MCU: variants seen among roughly 807,000 people sequenced by gnomAD.
MCU encodes the protein mitochondrial calcium uniporter.
A neutral mutation model predicts 45.2 loss-of-function variants in MCU; 12 were observed. That is an observed-to-expected ratio of 0.27 (90% CI 0.17 to 0.43). MCU has a LOEUF of 0.43. Among genes scored for constraint, MCU ranks in the 20% least tolerant of loss-of-function variants. MCU has a pLI of 1.00. For missense variants in MCU, 324 were observed against 436.7 expected (o/e 0.74, Z 2.30); for synonymous variants, 160 against 165.1 (o/e 0.97, Z 0.24).
In MCU at chr10:72,711,049, G is replaced by A. The variant is rs551452653; in HGVS notation, c.150+18748G>A. Among the ~76,000 whole-genome samples the A allele has an allele frequency of 9.2e-5, 14 of 151,768 alleles. No individual in the cohort carries two copies. In the East Asian group the frequency reaches 2.5e-3, roughly 28 times the overall value. Reference sequence around the variant, plus strand: ...CAAAAATTAGCTGGGCATGGTGGTGGGCGCCTGTAATCCCAGCTACTTGGG... The same window carrying A: ...CAAAAATTAGCTGGGCATGGTGGTGAGCGCCTGTAATCCCAGCTACTTGGG... On this transcript the variant is annotated intron_variant, in intron 1 of 7. Coordinates refer to ENST00000373053, the MANE Select transcript of MCU (RefSeq NM_138357.3).
rs80237769 is a variant in MCU, at chr10:72,768,407, A to G, written c.151-65952A>G. 3.7e-3 allele frequency among the ~76,000 whole-genome samples: 565 copies of G among 152,264 alleles called. 4 individuals are homozygous for G. Among genetic ancestry groups the G allele is most frequent in the East Asian group, 0.036 (185 of 5,186 alleles). On this transcript the variant is annotated intron_variant, in intron 1 of 7. Transcript: ENST00000373053. ...TTTATATAATCTCAGTCAATTTAGG[A>G]TTTAATATTCATGTTAGAATTCCAG... is the stretch of plus-strand genomic sequence containing the variant.
intron 1 of MCU, among the ~76,000 whole-genome samples, chr10:72,749,624 G>A (rs1843465234): frequency 6.6e-6 from 1 of 152,120 alleles, no homozygotes; most frequent in African/African-American, 2.4e-5. Flanking sequence ...GGCCATATAA[G>A]TCACCTCTAA....
At chr10:72,722,374 C>T (rs1213249688) in intron 1 of MCU, among the ~76,000 whole-genome samples, 1 of 149,998 alleles carries the variant, frequency 6.7e-6, no homozygotes, top group Non-Finnish European at 1.5e-5. Context: ...CTAGATGCCA[C>T]CTTTTCCCCT....
intron 1 of MCU, among the ~76,000 whole-genome samples, chr10:72,826,177 A>G (rs756583503): frequency 6.6e-6 from 1 of 152,228 alleles, no homozygotes; most frequent in Non-Finnish European, 1.5e-5. Context: ...GTGGGGTTAG[A>G]GGTTAGAATC....
chr10:72,869,012 A>G, intron 5 of MCU, 149 bp downstream of exon 5: 1 of 791,902 alleles, frequency 1.3e-6, no homozygotes, highest in Non-Finnish European at 1.9e-6. Flanking sequence ...AAAAAAGTTT[A>G]AGTCAAAGCT....
intron 2 of MCU, among the ~76,000 whole-genome samples, chr10:72,851,357 C>T (rs1478085668): frequency 6.6e-6 from 1 of 152,204 alleles, no homozygotes; most frequent in Non-Finnish European, 1.5e-5. Flanking sequence ...TCTGTGCCCA[C>T]TGCCTAGATA....
chr10:72,692,184 G>C lies in MCU; in HGVS notation c.33G>C (p.Leu11=). 2 of 1,281,142 alleles carry C rather than the reference G, an allele frequency of 1.6e-6. No homozygotes were observed. The highest frequency in any genetic ancestry group is 2.0e-6 in the Non-Finnish European group (2 of 1,006,942). 79.4% of individuals were successfully genotyped at this position (1,281,142 alleles called of 1,614,324 possible). A position where few individuals can be genotyped will look rare whatever the true frequency, so the allele number is the denominator to read the frequency against. Residue 11 remains leucine (L), a synonymous_variant, in exon 1 of 8, where the codon CTG becomes CTC. Transcript: ENST00000373053. MAAAAGRSLL[L]LLSSRGGGGG... The stretch of plus-strand genomic sequence containing the variant: ...CCGCCGCAGGTAGATCGCTCCTGCT[G>C]CTCCTCTCCTCTCGGGGCGGCGGCG...
intron 1 of MCU, among the ~76,000 whole-genome samples, chr10:72,828,428 A>G (rs1844829405): frequency 6.6e-6 from 1 of 152,164 alleles, no homozygotes; most frequent in Admixed American, 6.5e-5. Flanking sequence ...AAAGGGAACT[A>G]GGTTAATAAG....
At chr10:72,805,101 C>CTTTCTTTCTTTCTTTCTTTCTT (rs1554824914) in intron 1 of MCU, among the ~76,000 whole-genome samples, 3 of 103,454 alleles carry the variant, frequency 2.9e-5, no homozygotes, top group African/African-American at 1.3e-4. Flanking sequence ...TTCTTTCTTT[C>CTTTCTTTCTTTCTTTCTTTCTT]TCTTTCTTTC....
At chr10:72,804,006 G>T (rs1844381106) in intron 1 of MCU, among the ~76,000 whole-genome samples, 1 of 76,884 alleles carries the variant, frequency 1.3e-5, no homozygotes, top group Admixed American at 2.0e-4. Context: ...TTTGTTTTTG[G>T]AATGTAAGTA....
At chr10:72,882,071 C>G (rs553475411) in intron 6 of MCU, among the ~76,000 whole-genome samples, 19 of 152,282 alleles carry the variant, frequency 1.2e-4, no homozygotes, top group South Asian at 4.1e-4. Flanking sequence ...TAATTTCTTA[C>G]GCCTGTCTTT....
chr10:72,799,350 A>G (rs1844302233), intron 1 of MCU, among the ~76,000 whole-genome samples: 1 of 152,254 alleles, frequency 6.6e-6, no homozygotes, highest in Non-Finnish European at 1.5e-5. Flanking sequence ...TAAATATTTA[A>G]TGATTACCTG....
chr10:72,866,916 T>C (rs538312711), intron 4 of MCU, among the ~76,000 whole-genome samples: 18 of 151,858 alleles, frequency 1.2e-4, no homozygotes, highest in African/African-American at 3.9e-4. Context: ...CTGGTAACTT[T>C]GGACAATTTA....
intron 1 of MCU, among the ~76,000 whole-genome samples, chr10:72,742,035 A>C (rs973193356): frequency 1.7e-4 from 26 of 151,604 alleles, no homozygotes; most frequent in Admixed American, 9.2e-4. Flanking sequence ...AAAAAAAAAA[A>C]AAAAAAAAAA....
At chr10:72,707,866 G>A (rs1842843463) in intron 1 of MCU, among the ~76,000 whole-genome samples, 1 of 151,806 alleles carries the variant, frequency 6.6e-6, no homozygotes, top group South Asian at 2.1e-4. Context: ...TGAGGTGGGG[G>A]TCTCACTATG....
At chr10:72,809,284 T>A (rs577676474) in intron 1 of MCU, among the ~76,000 whole-genome samples, 9 of 152,322 alleles carry the variant, frequency 5.9e-5, no homozygotes, top group African/African-American at 2.2e-4. Flanking sequence ...TGGAACTTGC[T>A]CCAAACCACA....
At chr10:72,728,377 C>G (rs995531287) in intron 1 of MCU, among the ~76,000 whole-genome samples, 2 of 152,122 alleles carry the variant, frequency 1.3e-5, no homozygotes, top group African/African-American at 4.8e-5. Context: ...GAATAGTTAA[C>G]TAGTTGATTA....
Position 72,736,074 on chromosome 10 carries a change from C to G in MCU, c.150+43773C>G, listed in dbSNP as rs1843248659. Reference sequence around the variant, plus strand: ...AATATTCTCGTTTTGCAAATCAACACAAATTAATACTTTACAATTTTTCAA... The same window carrying G: ...AATATTCTCGTTTTGCAAATCAACAGAAATTAATACTTTACAATTTTTCAA... On this transcript the variant is annotated intron_variant, in intron 1 of 7. Coordinates refer to ENST00000373053, the MANE Select transcript of MCU (RefSeq NM_138357.3). 3.3e-5 allele frequency among the ~76,000 whole-genome samples: 5 copies of G among 152,188 alleles called. No individual in the cohort carries two copies. In the South Asian group the frequency reaches 8.3e-4, roughly 25 times the overall value.
At chr10:72,884,159 TGTCAGCACAC>T (rs1344176155) in intron 6 of MCU, 97 bp from the exon 7 acceptor site, 6 of 712,994 alleles carry the variant, frequency 8.4e-6, no homozygotes, top group African/African-American at 1.8e-5. Context: ...ACACAGCACA[TGTCAGCACAC>T]ACGCATACAT....
Sources: gnomAD v4.1 joint callset for allele counts (sites outside exome capture counted in the v4.1 genomes callset) on GRCh38, gnomAD v4.1.1 for gene constraint, MANE v1.5 for transcripts, NCBI Gene and HGNC (gene_info 2026-07-23, HGNC 2026-07-21) for gene names.